ANKS1A: variants seen among roughly 807,000 people sequenced by gnomAD.
The protein encoded by ANKS1A is ankyrin repeat and SAM domain-containing protein 1A.
ANKS1A carries 55 observed loss-of-function variants against 120.3 expected under a neutral mutation model. That is an observed-to-expected ratio of 0.46 (90% CI 0.37 to 0.57). The LOEUF is 0.57. Among genes scored for constraint, ANKS1A ranks in the 20% least tolerant of loss-of-function variants. The pLI is 0.00. For synonymous variants in ANKS1A, 590 were observed against 604.7 expected (o/e 0.98, Z 0.36); for missense variants, 1,123 against 1,480.3 (o/e 0.76, Z 3.96).
In ANKS1A at chr6:34,982,664, C is replaced by A; in HGVS notation, c.733-88C>A. 7.8e-7 allele frequency: 1 copy of A among 1,286,992 alleles called. No individual in the cohort carries two copies. The highest frequency in any genetic ancestry group is 1.1e-6 in the Non-Finnish European group (1 of 885,008). 79.7% of individuals were successfully genotyped at this position (1,286,992 alleles called of 1,614,324 possible). ...TTGTGTAGTTTGTTTTATTTTGTGTCCCTTCTTGTCTGTGTCCCCTTTGTC... is the reference window on the plus strand; with the variant it reads ...TTGTGTAGTTTGTTTTATTTTGTGTACCTTCTTGTCTGTGTCCCCTTTGTC... On this transcript the variant is annotated intron_variant, in intron 4 of 23. Coordinates refer to ENST00000360359, the MANE Select transcript of ANKS1A (RefSeq NM_015245.3). The surrounding 1 kb of genome is among the most constrained non-coding windows in gnomAD (Gnocchi z 4.9).
At chr6:34,914,109 G>C (rs923095517) in intron 1 of ANKS1A, among the ~76,000 whole-genome samples, 1 of 139,738 alleles carries the variant, frequency 7.2e-6, no homozygotes, top group Non-Finnish European at 1.6e-5. Flanking sequence ...TTTTAGTAGA[G>C]ACTGGGTTTC....
At chr6:34,977,312 G>A (rs1040077511) in intron 3 of ANKS1A, among the ~76,000 whole-genome samples, 5 of 151,866 alleles carry the variant, frequency 3.3e-5, no homozygotes, top group Admixed American at 6.6e-5. Context: ...ACATGACGTT[G>A]GTTTGTCTCA....
chr6:34,944,596 T>C (rs1368577516), intron 1 of ANKS1A, among the ~76,000 whole-genome samples: 5 of 152,330 alleles, frequency 3.3e-5, no homozygotes, highest in East Asian at 3.9e-4. Flanking sequence ...TTTTACTCAG[T>C]ATCCGTGGGG....
chr6:35,079,450 A>C (rs1309836168), intron 14 of ANKS1A, 66 bp from the exon 15 acceptor site: 2 of 1,590,816 alleles, frequency 1.3e-6, no homozygotes, highest in Non-Finnish European at 1.7e-6. Flanking sequence ...GGCTGGGTCC[A>C]TGGTCCTCGG....
rs752258868 is a variant in ANKS1A at position 35,090,685 on chromosome 6, T to C, written c.*2076T>C. 190 of 989,046 alleles carry C rather than the reference T, an allele frequency of 1.9e-4. No homozygotes were observed. Among genetic ancestry groups the C allele is most frequent in the Non-Finnish European group, 2.2e-4 (183 of 832,450 alleles). 61.3% of individuals were successfully genotyped at this position (989,046 alleles called of 1,614,324 possible). A position where few individuals can be genotyped will look rare whatever the true frequency, so the allele number is the denominator to read the frequency against. ...TAGTCTCCCTTTCCTAGAAAGGTTA[T>C]TATAACTTTAAGGACAGGCTTCAAG... On this transcript the variant is annotated 3_prime_UTR_variant, in exon 24 of 24. Coordinates refer to ENST00000360359, the MANE Select transcript of ANKS1A (RefSeq NM_015245.3).
chr6:34,959,365 A>G (rs1354291698), intron 1 of ANKS1A, among the ~76,000 whole-genome samples: 1 of 152,218 alleles, frequency 6.6e-6, no homozygotes, highest in Non-Finnish European at 1.5e-5. Context: ...CTGATCTGGT[A>G]AGAGGGAATG....
chr6:34,993,434 C>T (rs1772680556), intron 9 of ANKS1A, among the ~76,000 whole-genome samples: 1 of 152,194 alleles, frequency 6.6e-6, no homozygotes, highest in Non-Finnish European at 1.5e-5. Context: ...GTTATTTCAT[C>T]AGAGACACTT....
chr6:34,970,316 C>A, intron 3 of ANKS1A, 150 bp downstream of exon 3: 1 of 832,096 alleles, frequency 1.2e-6, no homozygotes, highest in Non-Finnish European at 1.8e-6. Flanking sequence ...ATGGAACCAC[C>A]TCTTCCATAC....
chr6:35,056,510 G>A lies in ANKS1A; in HGVS notation c.2077+2345G>A, dbSNP rs558356416. On this transcript the variant is annotated intron_variant, in intron 12 of 23. Coordinates refer to ENST00000360359, the MANE Select transcript of ANKS1A (RefSeq NM_015245.3). ...TCACCGTGTTAGCCAGGATGGTCTC[G>A]ATCTCCTGACCTCCTGATCCACCCT... Among the ~76,000 whole-genome samples, 7 of 152,200 alleles carry A rather than the reference G, an allele frequency of 4.6e-5. No individual in the cohort carries two copies. In the East Asian group the frequency reaches 5.8e-4, roughly 13 times the overall value.
downstream of ANKS1A, among the ~76,000 whole-genome samples, chr6:35,092,825 T>G (rs962113641): frequency 2.6e-5 from 4 of 152,214 alleles, no homozygotes; most frequent in Middle Eastern, 3.2e-3. Context: ...CACATCCTCA[T>G]GAGCCTCCCC....
intron 1 of ANKS1A, among the ~76,000 whole-genome samples, chr6:34,914,629 T>G (rs1581686355): frequency 6.6e-6 from 1 of 152,220 alleles, no homozygotes; most frequent in East Asian, 1.9e-4. Context: ...CCCCTTTTCT[T>G]GTGCACCTAG....
intron 3 of ANKS1A, chr6:34,972,560 C>A (rs1021284486): frequency 7.0e-5 from 69 of 983,402 alleles, no homozygotes; most frequent in Middle Eastern, 5.2e-4. Context: ...ATCACTTTTT[C>A]TTTTCCTCTC....
intron 10 of ANKS1A, chr6:35,010,029 T>A (rs982434634): frequency 7.6e-5 from 15 of 197,564 alleles, no homozygotes; most frequent in Middle Eastern, 4.9e-4. Flanking sequence ...AAATAAAAAA[T>A]TTTTAAAAAT....
chr6:35,018,596 ATAT>A (rs1383534567), intron 11 of ANKS1A, among the ~76,000 whole-genome samples: 3 of 152,014 alleles, frequency 2.0e-5, no homozygotes, highest in African/African-American at 7.3e-5. Flanking sequence ...TTACATGGGT[ATAT>A]TGCATGATGC....
Position 35,088,770 on chromosome 6 carries a change from CG to C in ANKS1A, c.*162del, listed in dbSNP as rs1554163121. On this transcript the variant is annotated 3_prime_UTR_variant, in exon 24 of 24. Transcript: ENST00000360359. ...ACTTGGCCTGGGCCTGCCACCACCA[CG>C]TCCTGCAGAACGAGCCCTGCCTTGG... is the stretch of plus-strand genomic sequence containing the variant. The C allele has an allele frequency of 3.0e-5, 47 of 1,554,654 alleles. No homozygotes were observed. The highest frequency in any genetic ancestry group is 1.7e-6 in the Non-Finnish European group (2 of 1,153,152).
chr6:34,899,868 TTTTCAGGTTGCCCTGC>T (rs1332771264), intron 1 of ANKS1A, among the ~76,000 whole-genome samples: 2 of 152,222 alleles, frequency 1.3e-5, no homozygotes, highest in African/African-American at 4.8e-5. Flanking sequence ...GATTCTTGCT[TTTTCAGGTTGCCCTGC>T]AGCCATGATC....
rs148965229 is a variant in ANKS1A at position 34,904,870 on chromosome 6, G to A, written c.197+15271G>A. 4.6e-3 allele frequency among the ~76,000 whole-genome samples: 702 copies of A among 152,212 alleles called. 4 individuals are homozygous for A. Among genetic ancestry groups the A allele is most frequent in the African/African-American group, 0.015 (635 of 41,518 alleles). On this transcript the variant is annotated intron_variant, in intron 1 of 23. Transcript: ENST00000360359. ...CTGTCACCCAAGCTGGATTGGAGTG[G>A]CATGAGCTCGGCTCACTGCAACCTT... is the stretch of plus-strand genomic sequence containing the variant.
At chr6:34,913,597 A>G (rs1031840129) in intron 1 of ANKS1A, among the ~76,000 whole-genome samples, 9 of 151,880 alleles carry the variant, frequency 5.9e-5, no homozygotes, top group African/African-American at 2.2e-4. Context: ...ATGAGTTACC[A>G]TGCCTGGCCT....
rs1478811616 is a variant in ANKS1A at position 35,089,988 on chromosome 6, G to A, written c.*1379G>A. The A allele has an allele frequency of 5.9e-6, 7 of 1,191,926 alleles. No individual in the cohort carries two copies. The East Asian group carries it at 3.5e-4, about 60-fold the overall frequency. The allele number at this position is 1,191,926 out of a possible 1,614,324, so 73.8% of individuals were successfully genotyped here. On this transcript the variant is annotated 3_prime_UTR_variant, in exon 24 of 24. Coordinates refer to ENST00000360359, the MANE Select transcript of ANKS1A (RefSeq NM_015245.3). ...ATTTGAATTCTTTGTTGGTATGTAT[G>A]TGCAGGGAGTACTGTTAGGCACATT...
Sources: gnomAD v4.1 joint callset for allele counts (sites outside exome capture counted in the v4.1 genomes callset) on GRCh38, gnomAD v4.1.1 for gene constraint, Gnocchi (gnomAD v3.1) non-coding constraint, MANE v1.5 for transcripts, NCBI Gene and HGNC (gene_info 2026-07-23, HGNC 2026-07-21) for gene names.